The following DORIP1 variants were observed in gnomAD, a reference collection of about 807,000 sequenced individuals.
DORIP1 encodes dopamine receptor-interacting protein 1.
the DORIP1 span, among the ~76,000 whole-genome samples, chr14:44,902,497 T>G: frequency 6.6e-6 from 1 of 151,888 alleles, no homozygotes; most frequent in Non-Finnish European, 1.5e-5. Flanking sequence ...CCCGGCTAAT[T>G]TTTGTATTTT....
the DORIP1 span, chr14:44,904,423 C>A: frequency 6.2e-7 from 1 of 1,610,114 alleles, no homozygotes; most frequent in Admixed American, 1.7e-5. Flanking sequence ...ATTTTCCCAA[C>A]GAATTTTCTG....
chr14:44,903,750 A>G, the DORIP1 span: 1 of 965,476 alleles, frequency 1.0e-6, no homozygotes, highest in South Asian at 4.8e-5. Flanking sequence ...CTTATTGCTG[A>G]TTAATTACAA....
chr14:44,906,786 C>A, the DORIP1 span: 1 of 152,558 alleles, frequency 6.6e-6, no homozygotes, highest in Non-Finnish European at 1.5e-5. Flanking sequence ...ATCTGCTGAA[C>A]TGCTAAAGTG....
chr14:44,904,780 A>C, the DORIP1 span: 1 of 320,864 alleles, frequency 3.1e-6, no homozygotes, highest in Non-Finnish European at 5.6e-6. Context: ...TTATAAGTTA[A>C]CCTTGGGCCA....
At chr14:44,903,802 G>A in the DORIP1 span, 3 of 982,368 alleles carry the variant, frequency 3.1e-6, no homozygotes, top group Non-Finnish European at 3.6e-6. Context: ...TACCTATTAA[G>A]TCCAGAAAGT....
At chr14:44,903,506 C>T in the DORIP1 span, 8 of 1,159,258 alleles carry the variant, frequency 6.9e-6, no homozygotes, top group Non-Finnish European at 8.5e-6. Flanking sequence ...CTTTTTTCCC[C>T]CCCCACTGCT....
At chr14:44,905,435 G>A in the DORIP1 span, 1 of 1,570,846 alleles carries the variant, frequency 6.4e-7, no homozygotes, top group East Asian at 2.3e-5. Flanking sequence ...TTCCAGATTG[G>A]TGGACATTGG....
chr14:44,900,399 A>G, the DORIP1 span: 1 of 1,411,086 alleles, frequency 7.1e-7, no homozygotes, highest in Non-Finnish European at 9.4e-7. Flanking sequence ...CAAAGTTACA[A>G]TTTTATGTGT....
chr14:44,900,500 T>G, the DORIP1 span: 5 of 1,581,982 alleles, frequency 3.2e-6, no homozygotes. Context: ...GATCGATCAT[T>G]TTGTAGGCCT....
chr14:44,907,250 T>C, the DORIP1 span: 1 of 152,646 alleles, frequency 6.6e-6, no homozygotes, highest in Non-Finnish European at 1.5e-5. Flanking sequence ...CTACCTCTTT[T>C]ATTTGCAGGC....
At chr14:44,903,350 C>A in the DORIP1 span, 1 of 1,545,644 alleles carries the variant, frequency 6.5e-7, no homozygotes. Context: ...TATAAGGAAA[C>A]CTAGGCAGAT....
At chr14:44,903,266 G>A in the DORIP1 span, 4 of 1,613,192 alleles carry the variant, frequency 2.5e-6, no homozygotes, top group African/African-American at 5.3e-5. Context: ...GAGTTATTCT[G>A]TTCCAAGATT....
the DORIP1 span, chr14:44,906,966 TATCTGATTAG>T: frequency 6.6e-6 from 1 of 152,344 alleles, no homozygotes; most frequent in African/African-American, 2.4e-5. Context: ...TTCCCAAGTG[TATCTGATTAG>T]GATTTAATTT....
At chr14:44,900,592 C>CT in the DORIP1 span, 1 of 1,609,886 alleles carries the variant, frequency 6.2e-7, no homozygotes, top group East Asian at 2.2e-5. Context: ...TGAAATAAGA[C>CT]TGAAAAATAC....
At chr14:44,899,427 A>G in the DORIP1 span, 14 of 152,230 alleles carry the variant, frequency 9.2e-5, no homozygotes, top group African/African-American at 2.9e-4. Context: ...CAATAGCACA[A>G]TTCTCAGTTG....
chr14:44,902,257 TG>T, the DORIP1 span, among the ~76,000 whole-genome samples: 1 of 152,156 alleles, frequency 6.6e-6, no homozygotes, highest in Non-Finnish European at 1.5e-5. Flanking sequence ...TCCTGCCTCA[TG>T]GCTCACTACT....
At chr14:44,904,664 A>G in the DORIP1 span, 1 of 970,622 alleles carries the variant, frequency 1.0e-6, no homozygotes, top group Non-Finnish European at 1.4e-6. Context: ...TATTCTGAAT[A>G]GAATCAGAAT....
chr14:44,902,657 A>G, the DORIP1 span, among the ~76,000 whole-genome samples: 1 of 152,064 alleles, frequency 6.6e-6, no homozygotes, highest in African/African-American at 2.4e-5. Flanking sequence ...TCATCTGTAA[A>G]TATTTTGAAA....
At chr14:44,905,317 T>C in the DORIP1 span, 2 of 1,228,458 alleles carry the variant, frequency 1.6e-6, no homozygotes, top group Middle Eastern at 2.6e-4. Context: ...GGAATGTTTA[T>C]CTTAACAAAG....
Sources: gnomAD v4.1 joint callset for allele counts (sites outside exome capture counted in the v4.1 genomes callset) on GRCh38, gnomAD v4.1.1 for gene constraint, MANE v1.5 for transcripts, NCBI Gene and HGNC (gene_info 2026-07-23, HGNC 2026-07-21) for gene names.